The following UGT1A8 variants were observed in gnomAD, a reference collection of about 807,000 sequenced individuals.
The protein encoded by UGT1A8 is UDP-glucuronosyltransferase 1A8.
UGT1A8 carries 39 observed loss-of-function variants against 45.3 expected under a neutral mutation model. The ratio of observed to expected loss-of-function variants is 0.86; its 90% CI spans 0.67 to 1.12. The LOEUF is 1.12. Among genes scored for constraint, UGT1A8 ranks in the 50% most tolerant of loss-of-function variants. The pLI, the probability that UGT1A8 is intolerant of heterozygous loss-of-function variation, is 0.00. For synonymous variants in UGT1A8, 275 were observed against 249.2 expected, an observed-to-expected ratio of 1.10 and a Z score of -0.97; for missense variants, 719 against 664.9, an observed-to-expected ratio of 1.08 and a Z score of -0.90.
chr2:233,647,731 A>G (rs574270263), intron 1 of UGT1A8, among the ~76,000 whole-genome samples: 1 of 152,312 alleles, frequency 6.6e-6, no homozygotes, highest in East Asian at 1.9e-4. Context: ...TGGTGATACT[A>G]CTGCTCTCAT....
intron 4 of UGT1A8, among the ~76,000 whole-genome samples, chr2:233,768,769 A>G (rs1559416355): frequency 6.6e-6 from 1 of 151,738 alleles, no homozygotes; most frequent in Non-Finnish European, 1.5e-5. Flanking sequence ...TTTTTAGTAG[A>G]GAAAGGGTTT....
At chr2:233,682,545 T>C in intron 1 of UGT1A8, 1 of 1,613,930 alleles carries the variant, frequency 6.2e-7, no homozygotes. Context: ...GCCATGACTT[T>C]CAAGGAGAGA....
intron 1 of UGT1A8, chr2:233,761,004 G>A: frequency 6.2e-7 from 1 of 1,614,118 alleles, no homozygotes; most frequent in African/African-American, 1.3e-5. Flanking sequence ...AATTCCTTCA[G>A]AGAGAGGTGA....
chr2:233,620,578 G>A (rs560634391), intron 1 of UGT1A8, among the ~76,000 whole-genome samples: 1 of 152,262 alleles, frequency 6.6e-6, no homozygotes, highest in Non-Finnish European at 1.5e-5. Flanking sequence ...AATCTTTTAT[G>A]AGATATGAAA....
intron 1 of UGT1A8, chr2:233,755,019 T>C (rs1378423497): frequency 1.5e-6 from 2 of 1,304,298 alleles, no homozygotes; most frequent in South Asian, 2.3e-5. Flanking sequence ...GAAGGGGTCC[T>C]TGAAGGGCCT....
chr2:233,730,367 A>T (rs2078022058), intron 1 of UGT1A8, among the ~76,000 whole-genome samples: 1 of 152,122 alleles, frequency 6.6e-6, no homozygotes, highest in Admixed American at 6.5e-5. Context: ...TGCTAGCATG[A>T]TTTTCAGGGG....
At chr2:233,663,565 C>T (rs1327569711) in intron 1 of UGT1A8, among the ~76,000 whole-genome samples, 3 of 152,126 alleles carry the variant, frequency 2.0e-5, no homozygotes, top group Non-Finnish European at 4.4e-5. Flanking sequence ...GGGTCAGAAT[C>T]TCGTAACCTC....
chr2:233,767,266 T>A (rs1028095369), intron 2 of UGT1A8, 101 bp downstream of exon 2: 5 of 1,587,970 alleles, frequency 3.1e-6, no homozygotes, highest in Non-Finnish European at 4.3e-6. Flanking sequence ...AACCTTAGAT[T>A]TGGCTTTTCC....
intron 1 of UGT1A8, among the ~76,000 whole-genome samples, chr2:233,641,833 C>G (rs1167932254): frequency 4.6e-5 from 7 of 151,638 alleles, no homozygotes; most frequent in Non-Finnish European, 8.8e-5. Context: ...TCATGCCACT[C>G]TCTCCTGGCC....
At chr2:233,674,241 C>T (rs1023149514) in intron 1 of UGT1A8, among the ~76,000 whole-genome samples, 4 of 152,130 alleles carry the variant, frequency 2.6e-5, no homozygotes, top group Non-Finnish European at 4.4e-5. Flanking sequence ...TGAAATAATG[C>T]TCTTTCTAAA....
intron 1 of UGT1A8, among the ~76,000 whole-genome samples, chr2:233,710,797 C>T (rs544342575): frequency 6.6e-6 from 1 of 152,298 alleles, no homozygotes; most frequent in African/African-American, 2.4e-5. Context: ...GTGTTTTGTA[C>T]CCCTCGTGCC....
At chr2:233,641,098 C>G (rs1470682038) in intron 1 of UGT1A8, among the ~76,000 whole-genome samples, 1 of 152,198 alleles carries the variant, frequency 6.6e-6, no homozygotes, top group South Asian at 2.1e-4. Flanking sequence ...CTCTGCAGCA[C>G]AAGCACCATC....
At chr2:233,642,653 G>A (rs371003248) in intron 1 of UGT1A8, among the ~76,000 whole-genome samples, 8 of 152,292 alleles carry the variant, frequency 5.3e-5, no homozygotes, top group Admixed American at 1.3e-4. Context: ...ATTTGTAGCC[G>A]TCCTTCTTGG....
At position 233,618,445 on chromosome 2, in the gene UGT1A8, C is replaced by T. The variant is rs1001456865; in HGVS notation, c.738C>T (p.Ser246=). The change falls in exon 1 of 5, where the codon AGC becomes AGT. Residue 246 remains serine, a synonymous_variant. Coordinates refer to ENST00000373450, the MANE Select transcript of UGT1A8 (RefSeq NM_019076.5). ...CTGTCACAGCATATGATCTCTACAGCCACACATCAATTTGGTTGTTGCGAA... is the reference window on the plus strand; with the variant it reads ...CTGTCACAGCATATGATCTCTACAGTCACACATCAATTTGGTTGTTGCGAA... ...QTPVTAYDLY[S]HTSIWLLRTD... is the part of the protein sequence containing the mutation. 1.9e-6 allele frequency: 3 copies of T among 1,613,868 alleles called. No homozygotes were observed. The highest frequency in any genetic ancestry group is 1.7e-5 in the Admixed American group (1 of 60,004).
chr2:233,761,475 T>C (rs930055799), intron 1 of UGT1A8, among the ~76,000 whole-genome samples: 6 of 152,232 alleles, frequency 3.9e-5, no homozygotes, highest in African/African-American at 1.2e-4. Flanking sequence ...GAAAACTCAG[T>C]TGAAGCCTGC....
intron 1 of UGT1A8, chr2:233,647,883 A>T (rs2073642866): frequency 6.8e-7 from 1 of 1,481,108 alleles, no homozygotes; most frequent in Non-Finnish European, 9.2e-7. Flanking sequence ...TATTTCATTG[A>T]TTTCTACACT....
chr2:233,746,231 A>C, intron 1 of UGT1A8, among the ~76,000 whole-genome samples: 1 of 151,848 alleles, frequency 6.6e-6, no homozygotes, highest in Non-Finnish European at 1.5e-5. Context: ...AGATATGCAA[A>C]CTGCTAAAAG....
At chr2:233,693,353 ATTGT>A (rs1559346236) in intron 1 of UGT1A8, 1 of 1,614,132 alleles carries the variant, frequency 6.2e-7, no homozygotes, top group East Asian at 2.2e-5. Context: ...GAATAACATG[ATTGT>A]TATTGGCCTG....
In UGT1A8 at chr2:233,745,466, G is replaced by A. The variant is rs190513469; in HGVS notation, c.856-21568G>A. On this transcript the variant is annotated intron_variant, in intron 1 of 4. Transcript: ENST00000373450. ...AGTAAAGGTCACTCAGTTCTAAGGG[G>A]AAAATGATTAACCAAAGAACATTCT... Among the ~76,000 whole-genome samples, 657 of 151,722 alleles carry A rather than the reference G, an allele frequency of 4.3e-3. 15 individuals carry two copies. Among genetic ancestry groups the A allele is most frequent in the Non-Finnish European group, 5.8e-3 (396 of 68,008 alleles).
Sources: gnomAD v4.1 joint callset for allele counts (sites outside exome capture counted in the v4.1 genomes callset) on GRCh38, gnomAD v4.1.1 for gene constraint, MANE v1.5 for transcripts, NCBI Gene and HGNC (gene_info 2026-07-23, HGNC 2026-07-21) for gene names.